Variants in PPP2R5E observed in about 807,000 individuals in gnomAD.
PPP2R5E encodes serine/threonine-protein phosphatase 2A 56 kDa regulatory subunit epsilon isoform.
A neutral mutation model predicts 65.3 loss-of-function variants in PPP2R5E; 4 were observed. The observed-to-expected ratio is 0.06, with a 90% CI of 0.03 to 0.14. PPP2R5E has a LOEUF of 0.14. PPP2R5E is among the 10% of genes least tolerant of loss of function. The pLI, the probability that PPP2R5E is intolerant of heterozygous loss-of-function variation, is 1.00. For missense variants in PPP2R5E, 274 were observed against 556.1 expected, an observed-to-expected ratio of 0.49 and a Z score of 5.10; for synonymous variants, 183 against 187.4, an observed-to-expected ratio of 0.98 and a Z score of 0.19.
chr14:63,480,569 C>T (rs1451957066), intron 2 of PPP2R5E, among the ~76,000 whole-genome samples: 1 of 152,162 alleles, frequency 6.6e-6, no homozygotes, highest in Non-Finnish European at 1.5e-5. Flanking sequence ...CCTCAACCTC[C>T]CAAGAAGCTG....
intron 2 of PPP2R5E, among the ~76,000 whole-genome samples, chr14:63,485,918 C>A (rs1479671959): frequency 6.6e-6 from 1 of 150,810 alleles, no homozygotes; most frequent in Non-Finnish European, 1.5e-5. Flanking sequence ...TAACCTCTAC[C>A]TCCCAGGTTC....
intron 12 of PPP2R5E, among the ~76,000 whole-genome samples, chr14:63,382,926 T>A (rs1051732487): frequency 6.6e-6 from 1 of 151,866 alleles, no homozygotes; most frequent in African/African-American, 2.4e-5. Flanking sequence ...TATATATATA[T>A]GTGTATATAT....
At chr14:63,440,656 G>A (rs1888179443) in intron 3 of PPP2R5E, among the ~76,000 whole-genome samples, 1 of 151,802 alleles carries the variant, frequency 6.6e-6, no homozygotes, top group South Asian at 2.1e-4. Flanking sequence ...CATGGGTTCT[G>A]GGCCGGGTGC....
At chr14:63,480,478 C>T (rs1348183080) in intron 2 of PPP2R5E, among the ~76,000 whole-genome samples, 2 of 152,170 alleles carry the variant, frequency 1.3e-5, no homozygotes, top group Non-Finnish European at 2.9e-5. Context: ...TGGGGTCTTA[C>T]TCTGTTACCC....
intron 13 of PPP2R5E, among the ~76,000 whole-genome samples, chr14:63,379,052 G>A (rs886258663): frequency 2.9e-4 from 44 of 149,364 alleles, no homozygotes; most frequent in Admixed American, 6.7e-4. Context: ...TTTTCGAGAC[G>A]GAGTCTCGCT....
At chr14:63,384,782 G>A (rs1381141162) in intron 11 of PPP2R5E, among the ~76,000 whole-genome samples, 1 of 151,900 alleles carries the variant, frequency 6.6e-6, no homozygotes, top group African/African-American at 2.4e-5. Flanking sequence ...TGCAACCTCC[G>A]CCTCTCGGGT....
At chr14:63,487,077 A>T (rs1170897190) in intron 2 of PPP2R5E, among the ~76,000 whole-genome samples, 2 of 152,224 alleles carry the variant, frequency 1.3e-5, no homozygotes, top group Non-Finnish European at 2.9e-5. Context: ...CAAATAATGT[A>T]TTTCCAATAC....
chr14:63,375,998 C>A lies in PPP2R5E; in HGVS notation c.*11G>T, dbSNP rs1213443869. 2.6e-6 allele frequency: 4 copies of A among 1,548,944 alleles called. No individual in the cohort carries two copies. The South Asian group carries it at 4.5e-5, about 17-fold the overall frequency. On this transcript the variant is annotated 3_prime_UTR_variant, in exon 14 of 14. Transcript: ENST00000337537. The stretch of plus-strand genomic sequence containing the variant: ...CTCCACAGGTTAGTAATGTTGTTGT[C>A]ATTGTTTTTGTTAAGTTGGAATTAT...
rs111206611 is a variant in PPP2R5E at position 63,395,703 on chromosome 14, G to T, written c.681-418C>A. On this transcript the variant is annotated intron_variant, in intron 6 of 13. Coordinates refer to ENST00000337537, the MANE Select transcript of PPP2R5E (RefSeq NM_006246.5). ...GAAGAGCGGAGGAGAGAGGGGAGAA[G>T]AGGGGGGAGGAGAGGGTGGAAGGGA... Among the ~76,000 whole-genome samples the T allele has an allele frequency of 7.4e-3, 52 of 7,074 alleles. 1 individual carries two copies. Among genetic ancestry groups the T allele is most frequent in the East Asian group, 0.022 (11 of 498 alleles). 4.6% of individuals were successfully genotyped at this position (7,074 alleles called of 152,430 possible).
chr14:63,425,967 C>T (rs1409061355), intron 3 of PPP2R5E, among the ~76,000 whole-genome samples: 1 of 152,208 alleles, frequency 6.6e-6, no homozygotes, highest in Non-Finnish European at 1.5e-5. Context: ...CATTTAGCTA[C>T]ACACTGTCAT....
chr14:63,497,774 A>G (rs1891650165), intron 2 of PPP2R5E, among the ~76,000 whole-genome samples: 1 of 151,732 alleles, frequency 6.6e-6, no homozygotes, highest in Non-Finnish European at 1.5e-5. Flanking sequence ...AAACAAAAAA[A>G]AACAAACACA....
chr14:63,505,589 G>A (rs373646049), intron 2 of PPP2R5E, among the ~76,000 whole-genome samples: 9 of 152,150 alleles, frequency 5.9e-5, no homozygotes, highest in Non-Finnish European at 1.0e-4. Context: ...CCTTGATAAA[G>A]TATGGACTGC....
At chr14:63,413,929 A>AG (rs1345334206) in intron 5 of PPP2R5E, among the ~76,000 whole-genome samples, 1 of 152,156 alleles carries the variant, frequency 6.6e-6, no homozygotes, top group Non-Finnish European at 1.5e-5. Flanking sequence ...CCATGTACCT[A>AG]GGGGAATAGG....
In PPP2R5E at chr14:63,421,052, CAAAAAAAAAAAAAAAAAAAA is replaced by C. The variant is rs56297942; in HGVS notation, c.456+921_456+940del. ...TGGGCGACAGAGCGAGACTCCGTCTCAAAAAAAAAAAAAAAAAAAAAAAAAAAAAAAAAAAAAGTCAACCT... is the reference window on the plus strand; with the variant it reads ...TGGGCGACAGAGCGAGACTCCGTCTCAAAAAAAAAAAAAAAAAGTCAACCT... On this transcript the variant is annotated intron_variant, in intron 4 of 13. Transcript: ENST00000337537. Among the ~76,000 whole-genome samples the C allele has an allele frequency of 7.8e-3, 80 of 10,296 alleles. 5 individuals are homozygous for C. Among genetic ancestry groups the C allele is most frequent in the Middle Eastern group, 0.14 (2 of 14 alleles). The allele number at this position is 10,296 out of a possible 152,430, so 6.8% of individuals were successfully genotyped here.
intron 2 of PPP2R5E, among the ~76,000 whole-genome samples, chr14:63,488,694 C>T (rs1045368985): frequency 6.6e-6 from 1 of 150,946 alleles, no homozygotes; most frequent in African/African-American, 2.4e-5. Context: ...ACTAAAAATA[C>T]AAAAATTAGC....
chr14:63,385,681 A>G (rs569751182), intron 11 of PPP2R5E, among the ~76,000 whole-genome samples: 1 of 152,050 alleles, frequency 6.6e-6, no homozygotes, highest in South Asian at 2.1e-4. Flanking sequence ...ACCATCCCAG[A>G]AGGAGATACC....
intron 11 of PPP2R5E, among the ~76,000 whole-genome samples, chr14:63,386,143 T>C (rs1024265880): frequency 2.0e-5 from 3 of 152,134 alleles, no homozygotes; most frequent in Non-Finnish European, 4.4e-5. Context: ...CGAAAGACAC[T>C]GAGAAAACAG....
intron 2 of PPP2R5E, among the ~76,000 whole-genome samples, chr14:63,462,101 C>G (rs1002767668): frequency 2.7e-5 from 4 of 149,060 alleles, no homozygotes; most frequent in Non-Finnish European, 5.9e-5. Context: ...GACGGAGTCT[C>G]GCTCTGTTGC....
chr14:63,511,092 C>T (rs898482805), intron 2 of PPP2R5E, among the ~76,000 whole-genome samples: 4 of 152,218 alleles, frequency 2.6e-5, no homozygotes, highest in African/African-American at 9.6e-5. Context: ...CATGCCACTG[C>T]AGTATAATTT....
Sources: allele counts gnomAD v4.1 joint callset (sites outside exome capture counted in the v4.1 genomes callset), GRCh38; gene constraint gnomAD v4.1.1; transcripts MANE v1.5; gene names NCBI Gene and HGNC (gene_info 2026-07-23, HGNC 2026-07-21).